The following NPAS2 variants were observed in gnomAD, a reference collection of about 807,000 sequenced individuals.
The protein encoded by NPAS2 is neuronal PAS domain protein 2.
In NPAS2, 23 loss-of-function variants were observed where a neutral mutation model predicts 107.5. The ratio of observed to expected loss-of-function variants is 0.21; its 90% CI spans 0.15 to 0.30. The LOEUF is 0.30. NPAS2 is among the 10% of genes least tolerant of loss of function. The pLI, the probability that NPAS2 is intolerant of heterozygous loss-of-function variation, is 1.00. For synonymous variants in NPAS2, 403 were observed against 417.5 expected (o/e 0.97, Z 0.42); for missense variants, 756 against 1,043.3 (o/e 0.72, Z 3.79).
chr2:100,902,543 C>T (rs535677584), intron 1 of NPAS2, among the ~76,000 whole-genome samples: 55 of 152,216 alleles, frequency 3.6e-4, no homozygotes, highest in African/African-American at 1.2e-3. Flanking sequence ...AGGGCAGTTG[C>T]GAAGCCTGGA....
chr2:100,990,097 G>A, intron 17 of NPAS2, 159 bp from the exon 18 acceptor site: 2 of 709,624 alleles, frequency 2.8e-6, no homozygotes, highest in Non-Finnish European at 4.9e-6. Flanking sequence ...CAATCCAATG[G>A]GGAAGACAGT....
At chr2:100,860,391 G>A (rs1403109047) in intron 1 of NPAS2, among the ~76,000 whole-genome samples, 1 of 152,170 alleles carries the variant, frequency 6.6e-6, no homozygotes, top group Non-Finnish European at 1.5e-5. Context: ...CTTGATTAAG[G>A]CGGTATCTGC....
chr2:100,867,026 C>T lies in NPAS2; in HGVS notation c.-22-37707C>T, dbSNP rs75336119. 9.6e-4 allele frequency among the ~76,000 whole-genome samples: 146 copies of T among 152,304 alleles called. 1 individual carries two copies. The East Asian group carries it at 0.022, about 23-fold the overall frequency. ...TTGTAGCCAGTGTAATATTTGGTCACCTGACAAATAGCTGAATTTGAAGTG... is the reference window on the plus strand; with the variant it reads ...TTGTAGCCAGTGTAATATTTGGTCATCTGACAAATAGCTGAATTTGAAGTG... On this transcript the variant is annotated intron_variant, in intron 1 of 20. Coordinates refer to ENST00000335681, the MANE Select transcript of NPAS2 (RefSeq NM_002518.4).
intron 7 of NPAS2, chr2:100,962,912 C>T (rs1427663058): frequency 6.6e-6 from 1 of 152,284 alleles, no homozygotes; most frequent in African/African-American, 2.4e-5. Context: ...GAACCCTGGG[C>T]CTAGAGCCCA....
chr2:100,914,529 G>A (rs546107388), intron 2 of NPAS2, among the ~76,000 whole-genome samples: 23 of 152,058 alleles, frequency 1.5e-4, no homozygotes, highest in Non-Finnish European at 3.4e-4. Flanking sequence ...AGGGAAGAAG[G>A]GCCTGCCCAG....
At chr2:100,852,492 G>A (rs1353142490) in intron 1 of NPAS2, among the ~76,000 whole-genome samples, 1 of 152,186 alleles carries the variant, frequency 6.6e-6, no homozygotes, top group Non-Finnish European at 1.5e-5. Flanking sequence ...ATGGAACTCT[G>A]CCCATCCACG....
At chr2:100,850,952 T>C (rs1305150601) in intron 1 of NPAS2, among the ~76,000 whole-genome samples, 1 of 8,828 alleles carries the variant, frequency 1.1e-4, no homozygotes, top group East Asian at 7.0e-3. Context: ...AAACTCTGTC[T>C]CAAAAAAAAA....
At chr2:100,841,875 G>C (rs149513857) in intron 1 of NPAS2, among the ~76,000 whole-genome samples, 3 of 151,948 alleles carry the variant, frequency 2.0e-5, no homozygotes, top group Non-Finnish European at 4.4e-5. Flanking sequence ...GCACATATGC[G>C]CATGTACACA....
intron 2 of NPAS2, among the ~76,000 whole-genome samples, chr2:100,921,161 G>A (rs1159764272): frequency 6.6e-6 from 1 of 152,224 alleles, no homozygotes; most frequent in Non-Finnish European, 1.5e-5. Flanking sequence ...AGTGGCAGGA[G>A]GGTGCACGGC....
Position 100,967,743 on chromosome 2 carries a change from G to C in NPAS2, c.908-538G>C, listed in dbSNP as rs982960534. ...AAAAGCCACCAGCAGACATCACTAT[G>C]GGGGGGCTGCAAGCAGCTCTGGGGA... On this transcript the variant is annotated intron_variant, in intron 10 of 20. Transcript: ENST00000335681. Among the ~76,000 whole-genome samples, 8 of 152,184 alleles carry C rather than the reference G, an allele frequency of 5.3e-5. No individual in the cohort carries two copies. The South Asian group carries it at 1.5e-3, about 28-fold the overall frequency.
intron 2 of NPAS2, among the ~76,000 whole-genome samples, chr2:100,905,587 G>C (rs1375539403): frequency 2.6e-5 from 4 of 152,088 alleles, no homozygotes; most frequent in African/African-American, 9.7e-5. Context: ...TCGGGTGGAG[G>C]CCCAGCCACG....
chr2:100,852,185 A>T (rs533526733), intron 1 of NPAS2, among the ~76,000 whole-genome samples: 7 of 152,050 alleles, frequency 4.6e-5, no homozygotes, highest in Admixed American at 2.0e-4. Flanking sequence ...TCACGAGGTC[A>T]GGAGATCAAG....
In NPAS2 at chr2:100,990,753, T is replaced by A. The variant is rs752997824; in HGVS notation, c.2019-27T>A. Reference sequence around the variant, plus strand: ...GTCTGTGGTTCAGGTGCTGATCAGTTTCCTATTTCCCCACCTCTGCTTAAA... The same window carrying A: ...GTCTGTGGTTCAGGTGCTGATCAGTATCCTATTTCCCCACCTCTGCTTAAA... On this transcript the variant is annotated intron_variant, in intron 18 of 20. Transcript: ENST00000335681. The A allele has an allele frequency of 6.2e-6, 10 of 1,601,236 alleles. No individual in the cohort carries two copies. In the Admixed American group the frequency reaches 1.7e-4, roughly 27 times the overall value.
At chr2:100,914,225 G>T (rs1405248370) in intron 2 of NPAS2, among the ~76,000 whole-genome samples, 2 of 152,156 alleles carry the variant, frequency 1.3e-5, no homozygotes, top group African/African-American at 4.8e-5. Flanking sequence ...CTTGCATTAT[G>T]TGGTGACTCT....
intron 8 of NPAS2, 114 bp downstream of exon 8, chr2:100,964,290 G>C: frequency 1.3e-6 from 1 of 787,978 alleles, no homozygotes; most frequent in Admixed American, 1.9e-5. Flanking sequence ...GTTGTCACTG[G>C]CTTTGAAAAT....
At chr2:100,877,940 T>G (rs1329121340) in intron 1 of NPAS2, 3 of 982,716 alleles carry the variant, frequency 3.1e-6, no homozygotes, top group Non-Finnish European at 2.4e-6. Context: ...TAAACATGGC[T>G]GAAACACTAC....
chr2:100,871,332 T>G (rs1225595666), intron 1 of NPAS2, among the ~76,000 whole-genome samples: 4 of 144,102 alleles, frequency 2.8e-5, no homozygotes, highest in South Asian at 2.2e-4. Flanking sequence ...CTTCCTTGTT[T>G]TTTTTTTTTT....
chr2:100,929,071 T>A (rs1683769750), intron 3 of NPAS2, among the ~76,000 whole-genome samples: 1 of 152,204 alleles, frequency 6.6e-6, no homozygotes, highest in African/African-American at 2.4e-5. Flanking sequence ...ACCTGGCTAA[T>A]TTTTTGTATT....
intron 1 of NPAS2, among the ~76,000 whole-genome samples, chr2:100,848,479 G>A (rs1318493134): frequency 2.0e-5 from 3 of 152,146 alleles, no homozygotes; most frequent in Non-Finnish European, 4.4e-5. Flanking sequence ...GAGGAGGAAA[G>A]GGAAGTGAAA....
Sources: allele counts gnomAD v4.1 joint callset (sites outside exome capture counted in the v4.1 genomes callset), GRCh38; gene constraint gnomAD v4.1.1; transcripts MANE v1.5; gene names NCBI Gene and HGNC (gene_info 2026-07-23, HGNC 2026-07-21).